GLI3: variants seen among roughly 807,000 people sequenced by gnomAD.
GLI3 encodes GLI family zinc finger 3.
A neutral mutation model predicts 100.8 loss-of-function variants in GLI3; 20 were observed. The ratio of observed to expected loss-of-function variants is 0.20; its 90% CI spans 0.14 to 0.29. The LOEUF is 0.29. GLI3 is among the 10% of genes least tolerant of loss of function. The pLI is 1.00. For synonymous variants in GLI3, 938 were observed against 860.5 expected (o/e 1.09, Z -1.58); for missense variants, 2,040 against 2,128.5 (o/e 0.96, Z 0.82).
intron 2 of GLI3, among the ~76,000 whole-genome samples, chr7:42,157,222 C>G (rs146444260): frequency 6.6e-6 from 1 of 152,344 alleles, no homozygotes; most frequent in East Asian, 1.9e-4. Flanking sequence ...CTATGGCCCA[C>G]TGACCTCAGC....
intron 2 of GLI3, among the ~76,000 whole-genome samples, chr7:42,187,360 G>A (rs62443809): frequency 6.6e-6 from 1 of 151,856 alleles, no homozygotes; most frequent in Non-Finnish European, 1.5e-5. Flanking sequence ...TTTAATATTT[G>A]TATTAACAAG....
At chr7:42,044,177 C>T (rs846316) in intron 6 of GLI3, among the ~76,000 whole-genome samples, 84,830 of 152,058 alleles carry the variant, frequency 0.56, 25,807 homozygotes, top group African/African-American at 0.82. Flanking sequence ...CATATGCTCG[C>T]CCTCTGTCAC....
intron 2 of GLI3, among the ~76,000 whole-genome samples, chr7:42,204,528 C>T (rs185213716): frequency 1.2e-4 from 18 of 152,320 alleles, no homozygotes; most frequent in Non-Finnish European, 2.2e-4. Flanking sequence ...AATATCTTAA[C>T]AGCAGGCCCC....
At chr7:41,994,779 T>G (rs546931323) in intron 10 of GLI3, among the ~76,000 whole-genome samples, 1 of 152,372 alleles carries the variant, frequency 6.6e-6, no homozygotes, top group African/African-American at 2.4e-5. Flanking sequence ...AAAACTTATT[T>G]TTATAAGCAG....
intron 3 of GLI3, among the ~76,000 whole-genome samples, chr7:42,093,172 G>T (rs911777245): frequency 5.3e-5 from 8 of 151,820 alleles, no homozygotes; most frequent in South Asian, 2.1e-4. Context: ...CTGAGGTCAG[G>T]AGTTCGAGAC....
chr7:42,024,286 A>G (rs987431810), intron 9 of GLI3, among the ~76,000 whole-genome samples: 1 of 152,236 alleles, frequency 6.6e-6, no homozygotes, highest in Non-Finnish European at 1.5e-5. Flanking sequence ...AGCAATGCCA[A>G]TACAAGTCAT....
At chr7:42,253,791 C>A (rs528532822) in intron 1 of GLI3, among the ~76,000 whole-genome samples, 1 of 152,164 alleles carries the variant, frequency 6.6e-6, no homozygotes, top group Non-Finnish European at 1.5e-5. Flanking sequence ...ATGATTGTTA[C>A]GCTAAGATCC....
At chr7:42,244,680 G>T (rs2128709483) in intron 1 of GLI3, among the ~76,000 whole-genome samples, 1 of 151,134 alleles carries the variant, frequency 6.6e-6, no homozygotes, top group Non-Finnish European at 1.5e-5. Flanking sequence ...GGCTACATCA[G>T]AAAGTCAGAA....
chr7:42,037,935 T>C (rs866079936), intron 7 of GLI3, among the ~76,000 whole-genome samples: 1 of 152,214 alleles, frequency 6.6e-6, no homozygotes, highest in Non-Finnish European at 1.5e-5. Flanking sequence ...ACCATTTCTA[T>C]ACCATATTCT....
chr7:42,106,391 C>G (rs1202599507), intron 3 of GLI3, among the ~76,000 whole-genome samples: 4 of 152,170 alleles, frequency 2.6e-5, no homozygotes, highest in African/African-American at 9.6e-5. Flanking sequence ...CAAGGTGCTC[C>G]TAATCTCTGT....
chr7:42,256,267 A>C (rs7803340), intron 1 of GLI3, among the ~76,000 whole-genome samples: 3,443 of 152,070 alleles, frequency 0.023, 144 homozygotes, highest in African/African-American at 0.079. Flanking sequence ...CAGTTGAAGC[A>C]CAAAAGTTTT....
At chr7:41,982,744 G>A (rs1787708640) in intron 10 of GLI3, among the ~76,000 whole-genome samples, 5 of 151,758 alleles carry the variant, frequency 3.3e-5, no homozygotes, top group South Asian at 4.2e-4. Context: ...GCCCTCTGCA[G>A]TGAGTGTTCA....
In GLI3 at chr7:41,964,921, C is replaced by T; in HGVS notation, c.4152G>A (p.Gln1384=). 3 of 1,613,754 alleles carry T rather than the reference C, an allele frequency of 1.9e-6. No homozygotes were observed. The highest frequency in any genetic ancestry group is 2.5e-6 in the Non-Finnish European group (3 of 1,180,048). ...PSSLAVVRGY[Q]PCASFGGSRR... ...TGCTGCCCCCAAAGCTGGCACATGG[C>T]TGGTAGCCCCTGACAACTGCCAAGC... Residue 1384 remains glutamine (Q), a synonymous_variant, in exon 15 of 15, where the codon CAG becomes CAA. Coordinates refer to ENST00000395925, the MANE Select transcript of GLI3 (RefSeq NM_000168.6).
chr7:41,970,110 A>G (rs561218616), intron 13 of GLI3, among the ~76,000 whole-genome samples: 11 of 152,242 alleles, frequency 7.2e-5, no homozygotes, highest in Non-Finnish European at 1.3e-4. Context: ...AAATGTTAAA[A>G]AAATGAAAAC....
chr7:42,115,604 AACACTGAGGTCCT>A (rs2128768550), intron 3 of GLI3, among the ~76,000 whole-genome samples: 1 of 152,294 alleles, frequency 6.6e-6, no homozygotes, highest in South Asian at 2.1e-4. Flanking sequence ...AGTGCCCTGT[AACACTGAGGTCCT>A]ACACCTATTT....
At chr7:42,121,501 T>C (rs1785997854) in intron 3 of GLI3, among the ~76,000 whole-genome samples, 1 of 152,218 alleles carries the variant, frequency 6.6e-6, no homozygotes, top group Non-Finnish European at 1.5e-5. Context: ...TATGTTATTT[T>C]AGTCAACAAT....
At chr7:42,207,268 A>G (rs999700711) in intron 2 of GLI3, among the ~76,000 whole-genome samples, 1 of 152,218 alleles carries the variant, frequency 6.6e-6, no homozygotes. Flanking sequence ...AATGCCCATC[A>G]GCAGTAGCGT....
intron 3 of GLI3, among the ~76,000 whole-genome samples, chr7:42,145,927 G>A (rs75090389): frequency 0.047 from 7,145 of 152,190 alleles, 596 homozygotes; most frequent in African/African-American, 0.16. Flanking sequence ...GTGAGGAAAG[G>A]ATTCCTAGAG....
intron 3 of GLI3, among the ~76,000 whole-genome samples, chr7:42,121,647 G>A (rs557289267): frequency 3.7e-4 from 56 of 152,154 alleles, no homozygotes; most frequent in African/African-American, 1.3e-3. Flanking sequence ...ATCTGGATGG[G>A]TGCACCAAAC....
Sources: gnomAD v4.1 joint callset for allele counts (sites outside exome capture counted in the v4.1 genomes callset) on GRCh38, gnomAD v4.1.1 for gene constraint, MANE v1.5 for transcripts, NCBI Gene and HGNC (gene_info 2026-07-23, HGNC 2026-07-21) for gene names.